Variants in CDKAL1 observed in about 807,000 individuals in gnomAD.
CDKAL1 encodes CDKAL1 threonylcarbamoyladenosine tRNA methylthiotransferase.
A neutral mutation model predicts 68.2 loss-of-function variants in CDKAL1; 32 were observed. The observed-to-expected ratio is 0.47, with a 90% CI of 0.35 to 0.63. The LOEUF (loss-of-function observed/expected upper bound fraction) is 0.63, where lower values mean the gene tolerates loss of function less well. CDKAL1 is among the 30% of genes least tolerant of loss of function. The probability of loss-of-function intolerance (pLI) is 0.00; values close to 1 mark genes in which losing one functional copy is unlikely to be tolerated. For missense variants in CDKAL1, 606 were observed against 696.7 expected, an observed-to-expected ratio of 0.87 and a Z score of 1.47; for synonymous variants, 234 against 244.3, an observed-to-expected ratio of 0.96 and a Z score of 0.39.
chr6:21,103,864 G>T (rs1464295597), intron 12 of CDKAL1, among the ~76,000 whole-genome samples: 1 of 152,134 alleles, frequency 6.6e-6, no homozygotes, highest in Non-Finnish European at 1.5e-5. Context: ...TAAAAACTGG[G>T]AGGTAATTTA....
rs35944981 is a variant in CDKAL1, at chr6:21,191,760, TAAA to T, written c.1300-6247_1300-6245del. Among the ~76,000 whole-genome samples, 714 of 140,632 alleles carry T rather than the reference TAAA, an allele frequency of 5.1e-3. 5 individuals are homozygous for T. Among genetic ancestry groups the T allele is most frequent in the African/African-American group, 0.017 (648 of 38,300 alleles). The allele number at this position is 140,632 out of a possible 152,430, so 92.3% of individuals were successfully genotyped here. On this transcript the variant is annotated intron_variant, in intron 13 of 15. Transcript: ENST00000274695. ...TATTTTCTGCCTTTGTGGTTTTCAT[TAAA>T]AAAAAAAAAAAAAGTATAAGAGCTT...
At chr6:20,585,305 G>A (rs1454988348) in intron 4 of CDKAL1, among the ~76,000 whole-genome samples, 1 of 152,090 alleles carries the variant, frequency 6.6e-6, no homozygotes, top group East Asian at 1.9e-4. Context: ...GCCCGCCTTG[G>A]CCTCCCAAAG....
intron 6 of CDKAL1, chr6:20,756,888 CTTCCTT>C: frequency 4.3e-5 from 4 of 93,950 alleles, no homozygotes; most frequent in African/African-American, 7.4e-5. Flanking sequence ...TCCTTCCTTC[CTTCCTT>C]CCTTCCTTCC....
At chr6:21,068,231 ATT>A (rs56001689) in intron 12 of CDKAL1, among the ~76,000 whole-genome samples, 14 of 151,596 alleles carry the variant, frequency 9.2e-5, no homozygotes, top group African/African-American at 2.9e-4. Flanking sequence ...GAATTTATCA[ATT>A]TTTTTTTTAT....
intron 9 of CDKAL1, among the ~76,000 whole-genome samples, chr6:20,910,907 C>G (rs778607051): frequency 1.3e-5 from 2 of 152,130 alleles, no homozygotes; most frequent in African/African-American, 4.8e-5. Context: ...TTAAGGAACC[C>G]CAAAGATTGC....
chr6:21,230,890 C>T lies in CDKAL1; in HGVS notation c.1591C>T (p.His531Tyr). 6.2e-7 allele frequency: 1 copy of T among 1,613,234 alleles called. No homozygotes were observed. The highest frequency in any genetic ancestry group is 1.6e-4 in the Middle Eastern group (1 of 6,062). Residue 531 changes from histidine (H) to tyrosine (Y), a missense_variant, in exon 16 of 16, where the codon CAC becomes TAC. By Grantham distance (83) the His-to-Tyr change is moderately conservative (BLOSUM62 2). Transcript: ENST00000274695. ...TGGGAACCAGCTGAGTTCAGGATCC[C>T]ACACCTCTGCTGCATCTCAGTGTGA... The part of the protein sequence containing the change: ...GLGNQLSSGS[H>Y]TSAASQCDSA...
intron 11 of CDKAL1, among the ~76,000 whole-genome samples, chr6:21,047,765 G>A (rs1770324115): frequency 6.6e-6 from 1 of 152,216 alleles, no homozygotes; most frequent in Admixed American, 6.5e-5. Context: ...AGGAGGGACT[G>A]TGAATGAATT....
chr6:20,785,767 A>G (rs1457576541), intron 8 of CDKAL1, among the ~76,000 whole-genome samples: 4 of 152,198 alleles, frequency 2.6e-5, no homozygotes, highest in African/African-American at 9.7e-5. Context: ...TCCACATTAA[A>G]TATGTAGATT....
At chr6:20,912,647 T>G (rs1353952577) in intron 9 of CDKAL1, among the ~76,000 whole-genome samples, 1 of 136,454 alleles carries the variant, frequency 7.3e-6, no homozygotes, top group African/African-American at 2.5e-5. Context: ...ACTAGACATA[T>G]TTTTTTTAAC....
At chr6:21,140,444 G>A (rs1181746064) in intron 13 of CDKAL1, among the ~76,000 whole-genome samples, 1 of 152,140 alleles carries the variant, frequency 6.6e-6, no homozygotes, top group Non-Finnish European at 1.5e-5. Context: ...CCTGCCTTGG[G>A]CATCCCTTTA....
At chr6:20,734,079 A>G (rs1042272687) in intron 5 of CDKAL1, among the ~76,000 whole-genome samples, 2 of 151,210 alleles carry the variant, frequency 1.3e-5, no homozygotes, top group African/African-American at 2.4e-5. Flanking sequence ...AACCTGGGAG[A>G]TAGAGGTTGC....
intron 12 of CDKAL1, among the ~76,000 whole-genome samples, chr6:21,088,443 G>T (rs1478772426): frequency 6.6e-6 from 1 of 152,134 alleles, no homozygotes; most frequent in African/African-American, 2.4e-5. Flanking sequence ...GGAAGTGGAG[G>T]TTCTAACAAA....
chr6:20,946,882 C>T (rs1333451668), intron 9 of CDKAL1, among the ~76,000 whole-genome samples: 1 of 152,136 alleles, frequency 6.6e-6, no homozygotes, highest in Non-Finnish European at 1.5e-5. Flanking sequence ...CAGGCATGAG[C>T]CACTGCAACT....
intron 11 of CDKAL1, among the ~76,000 whole-genome samples, chr6:21,051,553 C>G (rs1248116986): frequency 1.3e-5 from 2 of 152,014 alleles, no homozygotes; most frequent in African/African-American, 4.8e-5. Flanking sequence ...TGATCATGGG[C>G]AATTTACTGT....
At chr6:21,027,317 G>T (rs920708249) in intron 11 of CDKAL1, among the ~76,000 whole-genome samples, 2 of 152,136 alleles carry the variant, frequency 1.3e-5, no homozygotes, top group East Asian at 3.8e-4. Context: ...TCAGGAACAG[G>T]ATTGGACCTC....
At chr6:21,189,971 T>C (rs1402923283) in intron 13 of CDKAL1, among the ~76,000 whole-genome samples, 1 of 152,190 alleles carries the variant, frequency 6.6e-6, no homozygotes, top group African/African-American at 2.4e-5. Context: ...AGACCATACT[T>C]TTCTCCAAGT....
At chr6:20,932,056 A>T (rs1216960126) in intron 9 of CDKAL1, among the ~76,000 whole-genome samples, 1 of 152,186 alleles carries the variant, frequency 6.6e-6, no homozygotes, top group Non-Finnish European at 1.5e-5. Context: ...CCGTAGTGGT[A>T]AATCTATATA....
At chr6:20,856,402 A>T (rs1394129320) in intron 9 of CDKAL1, among the ~76,000 whole-genome samples, 1 of 152,216 alleles carries the variant, frequency 6.6e-6, no homozygotes, top group Non-Finnish European at 1.5e-5. Context: ...GATATTGCTT[A>T]GTTTCAGCTG....
Position 21,130,214 on chromosome 6 carries a change from G to A in CDKAL1, c.1299+21751G>A, listed in dbSNP as rs140947059. 9.5e-3 allele frequency among the ~76,000 whole-genome samples: 1,361 copies of A among 143,542 alleles called. 6 individuals are homozygous for A. The highest frequency in any genetic ancestry group is 0.014 in the Non-Finnish European group (952 of 66,866). The allele number at this position is 143,542 out of a possible 152,430, so 94.2% of individuals were successfully genotyped here. On this transcript the variant is annotated intron_variant, in intron 13 of 15. Transcript: ENST00000274695. Reference sequence around the variant, plus strand: ...GTACACTCTGCCTTGTAGCAAATTGGACCTAACTTTTTTTTTTTTTTTTTT... The same window carrying A: ...GTACACTCTGCCTTGTAGCAAATTGAACCTAACTTTTTTTTTTTTTTTTTT...
Sources: gnomAD v4.1 joint callset for allele counts (sites outside exome capture counted in the v4.1 genomes callset) on GRCh38, gnomAD v4.1.1 for gene constraint, MANE v1.5 for transcripts, NCBI Gene and HGNC (gene_info 2026-07-23, HGNC 2026-07-21) for gene names.